ADAMTSL1: variants seen among roughly 807,000 people sequenced by gnomAD.
ADAMTSL1 encodes ADAMTS-like protein 1.
A neutral mutation model predicts 201.8 loss-of-function variants in ADAMTSL1; 126 were observed. The observed-to-expected ratio is 0.62, with a 90% CI of 0.54 to 0.72. ADAMTSL1 has a LOEUF of 0.72. Among genes scored for constraint, ADAMTSL1 ranks in the 30% least tolerant of loss-of-function variants. The probability of loss-of-function intolerance (pLI) is 0.00; values close to 1 mark genes in which losing one functional copy is unlikely to be tolerated. For missense variants in ADAMTSL1, 2,679 were observed against 2,277.8 expected, an observed-to-expected ratio of 1.18 and a Z score of -3.59; for synonymous variants, 1,121 against 903.4, an observed-to-expected ratio of 1.24 and a Z score of -4.32.
At chr9:18,358,940 T>A (rs376814959) in intron 2 of ADAMTSL1, among the ~76,000 whole-genome samples, 1 of 152,282 alleles carries the variant, frequency 6.6e-6, no homozygotes, top group African/African-American at 2.4e-5. Context: ...TAATTTTCTA[T>A]AGCAGACATT....
chr9:18,081,182 G>A (rs1001286662), intron 1 of ADAMTSL1, among the ~76,000 whole-genome samples: 2 of 152,180 alleles, frequency 1.3e-5, no homozygotes, highest in Non-Finnish European at 2.9e-5. Flanking sequence ...ATCAGAATTA[G>A]TAAGTGGCAG....
At chr9:18,256,593 A>T (rs1831697609) in intron 2 of ADAMTSL1, among the ~76,000 whole-genome samples, 1 of 152,216 alleles carries the variant, frequency 6.6e-6, no homozygotes, top group Non-Finnish European at 1.5e-5. Flanking sequence ...ACATCAAAGG[A>T]GTTAACAGCC....
At chr9:18,499,517 A>G (rs12003118) in intron 1 of ADAMTSL1, among the ~76,000 whole-genome samples, 1 of 152,146 alleles carries the variant, frequency 6.6e-6, no homozygotes, top group Non-Finnish European at 1.5e-5. Flanking sequence ...CATGGCCAGG[A>G]TGTTTCTGTG....
intron 2 of ADAMTSL1, among the ~76,000 whole-genome samples, chr9:18,518,595 T>A (rs574869915): frequency 1.3e-5 from 2 of 152,160 alleles, no homozygotes; most frequent in Non-Finnish European, 2.9e-5. Flanking sequence ...TTGTGAATAG[T>A]GCTGCAATAA....
intron 15 of ADAMTSL1, among the ~76,000 whole-genome samples, chr9:18,752,932 C>G (rs1038114077): frequency 1.3e-5 from 2 of 152,124 alleles, no homozygotes; most frequent in Admixed American, 6.5e-5. Flanking sequence ...CTCTTTAAGC[C>G]CCACAATTCA....
chr9:18,682,671 T>G (rs1830574017), intron 12 of ADAMTSL1, among the ~76,000 whole-genome samples: 1 of 152,142 alleles, frequency 6.6e-6, no homozygotes, highest in Admixed American at 6.5e-5. Flanking sequence ...AGTAAAGAAC[T>G]CTTTAAACCC....
intron 1 of ADAMTSL1, among the ~76,000 whole-genome samples, chr9:17,951,189 G>A (rs1036596440): frequency 6.6e-6 from 1 of 152,166 alleles, no homozygotes; most frequent in East Asian, 1.9e-4. Flanking sequence ...GGGGCACAGG[G>A]CATCATGGAG....
At chr9:18,267,193 C>T (rs1175112128) in intron 2 of ADAMTSL1, among the ~76,000 whole-genome samples, 2 of 152,124 alleles carry the variant, frequency 1.3e-5, no homozygotes, top group Admixed American at 6.6e-5. Flanking sequence ...TGTCCGGACT[C>T]CCAAAGCCAA....
intron 1 of ADAMTSL1, among the ~76,000 whole-genome samples, chr9:18,008,081 T>G (rs1046344555): frequency 2.0e-5 from 3 of 152,002 alleles, no homozygotes; most frequent in Non-Finnish European, 4.4e-5. Flanking sequence ...GTAATTTCAT[T>G]TTTATTGTGA....
intron 2 of ADAMTSL1, among the ~76,000 whole-genome samples, chr9:18,340,600 T>C (rs890458120): frequency 6.6e-6 from 1 of 152,166 alleles, no homozygotes. Context: ...TGTAGTAATC[T>C]CCATGTGTTG....
chr9:18,176,191 T>G (rs886736350), intron 2 of ADAMTSL1, among the ~76,000 whole-genome samples: 2 of 152,100 alleles, frequency 1.3e-5, no homozygotes, highest in African/African-American at 4.8e-5. Context: ...GCAACTTTAC[T>G]TATCATTTTA....
chr9:18,119,545 C>T (rs959865628), intron 1 of ADAMTSL1, among the ~76,000 whole-genome samples: 26 of 152,018 alleles, frequency 1.7e-4, no homozygotes, highest in Non-Finnish European at 2.9e-4. Flanking sequence ...TCAGGTGATC[C>T]GCCCAGCTTG....
At chr9:18,752,216 A>G (rs1426974401) in intron 15 of ADAMTSL1, among the ~76,000 whole-genome samples, 1 of 152,184 alleles carries the variant, frequency 6.6e-6, no homozygotes, top group Admixed American at 6.5e-5. Context: ...CTTAGTGTAG[A>G]TGAAAGGAGG....
intron 13 of ADAMTSL1, among the ~76,000 whole-genome samples, chr9:18,698,547 A>C (rs12236787): frequency 0.028 from 4,239 of 152,034 alleles, 175 homozygotes; most frequent in East Asian, 0.19. Context: ...CGGCCTCCCA[A>C]AGTACTGGAA....
chr9:18,593,161 A>G (rs1824035831), intron 4 of ADAMTSL1, among the ~76,000 whole-genome samples: 1 of 152,144 alleles, frequency 6.6e-6, no homozygotes, highest in South Asian at 2.1e-4. Context: ...TAATCTGCAA[A>G]CAAGGATAAT....
chr9:18,899,325 A>C, intron 26 of ADAMTSL1, among the ~76,000 whole-genome samples: 1 of 152,254 alleles, frequency 6.6e-6, no homozygotes, highest in Non-Finnish European at 1.5e-5. Context: ...GAAACATTTC[A>C]TGCTCATTGA....
rs138608940 is a variant in ADAMTSL1, at chr9:18,101,035, T to C, written c.88-62827T>C. 4.6e-3 allele frequency among the ~76,000 whole-genome samples: 695 copies of C among 152,274 alleles called. 5 individuals are homozygous for C. Among genetic ancestry groups the C allele is most frequent in the African/African-American group, 0.016 (664 of 41,546 alleles). ...GGGGATATGCTGTCACATACTTTTG[T>C]TGTATATGTTGTCTGTGGGATTTCT... On this transcript the variant is annotated intron_variant, in intron 1 of 29. Coordinates refer to the ADAMTSL1 transcript ENST00000680146.
At chr9:17,917,085 T>A (rs1387951814) in intron 1 of ADAMTSL1, among the ~76,000 whole-genome samples, 1 of 152,162 alleles carries the variant, frequency 6.6e-6, no homozygotes, top group Non-Finnish European at 1.5e-5. Context: ...AAAAATACAA[T>A]TGATTTTATA....
chr9:18,591,654 A>C (rs570661914), intron 4 of ADAMTSL1, among the ~76,000 whole-genome samples: 187 of 152,110 alleles, frequency 1.2e-3, no homozygotes, highest in Non-Finnish European at 2.4e-3. Context: ...GTTGGTGCAA[A>C]AGTTATTGTG....
Sources: gnomAD v4.1 joint callset for allele counts (sites outside exome capture counted in the v4.1 genomes callset) on GRCh38, gnomAD v4.1.1 for gene constraint, MANE v1.5 for transcripts, NCBI Gene and HGNC (gene_info 2026-07-23, HGNC 2026-07-21) for gene names.